TXNDC11: variants seen among roughly 807,000 people sequenced by gnomAD.
The protein encoded by TXNDC11 is thioredoxin domain containing 11.
A neutral mutation model predicts 78.0 loss-of-function variants in TXNDC11; 68 were observed. The observed-to-expected ratio is 0.87, with a 90% CI of 0.72 to 1.07. The LOEUF (loss-of-function observed/expected upper bound fraction) is 1.07, where lower values mean the gene tolerates loss of function less well. TXNDC11 is among the 50% of genes least tolerant of loss of function. The pLI is 0.00. For missense variants in TXNDC11, 1,389 were observed against 1,221.8 expected (o/e 1.14, Z -2.04); for synonymous variants, 571 against 495.2 (o/e 1.15, Z -2.03).
rs991982464 is a variant in TXNDC11 at position 11,693,972 on chromosome 16, A to G, written c.1108-1890T>C. On this transcript the variant is annotated intron_variant, in intron 7 of 11. Transcript: ENST00000283033. ...AAGTCCAAGTAGGAGATCATTAATTATATTATAGAGAAGAAAATTCCTTGA... is the reference window on the plus strand; with the variant it reads ...AAGTCCAAGTAGGAGATCATTAATTGTATTATAGAGAAGAAAATTCCTTGA... 2.6e-5 allele frequency among the ~76,000 whole-genome samples: 4 copies of G among 152,246 alleles called. No homozygotes were observed. The East Asian group carries it at 5.8e-4, about 22-fold the overall frequency.
rs193292051 is a variant in TXNDC11, at chr16:11,694,952, A to G, written c.1108-2870T>C. On this transcript the variant is annotated intron_variant, in intron 7 of 11. Transcript: ENST00000283033. The stretch of plus-strand genomic sequence containing the variant: ...GTTCGCACAGTAGATGTTTCCTTCT[A>G]TTTTCTTTAATCAGGGAAATCTGTG... 7.7e-4 allele frequency among the ~76,000 whole-genome samples: 117 copies of G among 152,282 alleles called. 2 individuals carry two copies. The South Asian group carries it at 8.3e-3, about 11-fold the overall frequency.
intron 8 of TXNDC11, among the ~76,000 whole-genome samples, chr16:11,690,477 G>C (rs947740039): frequency 6.6e-6 from 1 of 152,184 alleles, no homozygotes; most frequent in African/African-American, 2.4e-5. Flanking sequence ...GAACAAATTA[G>C]GTCTGGTGGC....
At chr16:11,692,943 G>C (rs947668680) in intron 7 of TXNDC11, among the ~76,000 whole-genome samples, 3 of 152,108 alleles carry the variant, frequency 2.0e-5, no homozygotes, top group Admixed American at 6.6e-5. Context: ...CCCAGCACCA[G>C]GGCAGCTGCT....
At chr16:11,687,819 G>T in intron 10 of TXNDC11, 38 bp downstream of exon 10, 1 of 1,368,218 alleles carries the variant, frequency 7.3e-7, no homozygotes, top group Non-Finnish European at 1.0e-6. Flanking sequence ...GTGAAAATGG[G>T]CATACAGCCC....
chr16:11,694,033 C>T (rs1428984905), intron 7 of TXNDC11, among the ~76,000 whole-genome samples: 2 of 148,252 alleles, frequency 1.3e-5, no homozygotes, highest in African/African-American at 5.0e-5. Context: ...TTCAGTATCT[C>T]ATAAACAAAG....
chr16:11,696,289 C>T (rs572021580), intron 7 of TXNDC11, among the ~76,000 whole-genome samples: 5 of 152,302 alleles, frequency 3.3e-5, no homozygotes, highest in African/African-American at 9.6e-5. Context: ...AAGTCCGTCT[C>T]GAATACTTCA....
rs772698622 is a variant in TXNDC11 at position 11,736,221 on chromosome 16, A to G, written c.267T>C (p.Asp89=). ...CAGGTGGCTTTGCTGGTATTATCAC[A>G]TCTTTTGCTCGACTAAAAAAGAGCA... ...ALKFTCSRAK[D]VIIPAKPPVS... Residue 89 remains aspartate, a synonymous_variant, in exon 2 of 12, where the codon GAT becomes GAC. Coordinates refer to ENST00000283033, the MANE Select transcript of TXNDC11 (RefSeq NM_015914.7). 1.9e-6 allele frequency: 3 copies of G among 1,609,878 alleles called. No individual in the cohort carries two copies. The Admixed American group carries it at 5.1e-5, about 27-fold the overall frequency.
chr16:11,705,196 C>T (rs1214930191), intron 5 of TXNDC11, among the ~76,000 whole-genome samples: 1 of 152,202 alleles, frequency 6.6e-6, no homozygotes, highest in Admixed American at 6.5e-5. Flanking sequence ...CCACACCCAA[C>T]TCTAACATTG....
intron 5 of TXNDC11, among the ~76,000 whole-genome samples, chr16:11,717,434 G>GAAAAAAAAAA (rs58884197): frequency 9.6e-5 from 6 of 62,300 alleles, no homozygotes; most frequent in Non-Finnish European, 1.7e-4. Context: ...GACTCCAAAT[G>GAAAAAAAAAA]AAAAAAAAAA....
chr16:11,723,589 C>CA (rs1293739519), intron 4 of TXNDC11, among the ~76,000 whole-genome samples: 1 of 150,860 alleles, frequency 6.6e-6, no homozygotes, highest in African/African-American at 2.4e-5. Context: ...CATCTTAAAA[C>CA]AAAAAACAAA....
At chr16:11,702,740 C>A (rs183162538) in intron 5 of TXNDC11, among the ~76,000 whole-genome samples, 171 of 152,216 alleles carry the variant, frequency 1.1e-3, no homozygotes, top group African/African-American at 4.0e-3. Flanking sequence ...CCAAATTATA[C>A]ACAAGTAGCT....
intron 5 of TXNDC11, among the ~76,000 whole-genome samples, chr16:11,703,505 T>C (rs991776060): frequency 8.1e-6 from 1 of 123,702 alleles, no homozygotes; most frequent in African/African-American, 3.4e-5. Context: ...CTTAAGGCTT[T>C]TGATACACAC....
intron 11 of TXNDC11, among the ~76,000 whole-genome samples, chr16:11,681,884 T>C (rs1443110352): frequency 6.6e-6 from 1 of 152,200 alleles, no homozygotes; most frequent in African/African-American, 2.4e-5. Flanking sequence ...TTCATGATTT[T>C]TATAAATCAA....
intron 11 of TXNDC11, among the ~76,000 whole-genome samples, chr16:11,683,953 G>A (rs2050499379): frequency 6.6e-6 from 1 of 152,048 alleles, no homozygotes; most frequent in East Asian, 1.9e-4. Flanking sequence ...GTTTCACCAT[G>A]TCGGCCAGGC....
intron 2 of TXNDC11, among the ~76,000 whole-genome samples, chr16:11,735,298 G>C (rs1007198749): frequency 5.3e-5 from 8 of 152,046 alleles, no homozygotes; most frequent in African/African-American, 1.9e-4. Context: ...CTACATAAAG[G>C]TATATGGACC....
In TXNDC11 at chr16:11,742,757, A is replaced by ACCGCCG. The variant is rs746033646; in HGVS notation, c.-33_-28dup. On this transcript the variant is annotated 5_prime_UTR_variant, in exon 1 of 12. Coordinates refer to ENST00000283033, the MANE Select transcript of TXNDC11 (RefSeq NM_015914.7). ...ACATGCTCCCAGTCGCCGGCTTTATACCGCCGCCGCCGCCTCGGGCCCGAA... is the reference window on the plus strand; with the variant it reads ...ACATGCTCCCAGTCGCCGGCTTTATACCGCCGCCGCCGCCGCCGCCTCGGGCCCGAA... The ACCGCCG allele has an allele frequency of 2.0e-5, 29 of 1,434,242 alleles. No individual in the cohort carries two copies. The highest frequency in any genetic ancestry group is 2.5e-5 in the Non-Finnish European group (28 of 1,102,726). The allele number at this position is 1,434,242 out of a possible 1,614,324, so 88.8% of individuals were successfully genotyped here.
At chr16:11,723,495 G>A (rs754362216) in intron 4 of TXNDC11, among the ~76,000 whole-genome samples, 1 of 152,056 alleles carries the variant, frequency 6.6e-6, no homozygotes, top group Non-Finnish European at 1.5e-5. Flanking sequence ...TGAGGCACAA[G>A]AATTGCTTGA....
chr16:11,679,806 C>T lies in TXNDC11; in HGVS notation c.2266G>A (p.Val756Ile), dbSNP rs3190321. 4 of 1,612,736 alleles carry T rather than the reference C, an allele frequency of 2.5e-6. No homozygotes were observed. Among genetic ancestry groups the T allele is most frequent in the Middle Eastern group, 1.7e-4 (1 of 6,014 alleles). Residue 756 changes from valine (V) to isoleucine (I), a missense_variant, in exon 12 of 12, where the codon GTC becomes ATC. Coordinates refer to ENST00000283033, the MANE Select transcript of TXNDC11 (RefSeq NM_015914.7). The surrounding 1 kb of genome is among the most constrained non-coding windows in gnomAD (Gnocchi z 4.6). ...KDLSVKYPEDVPITLPNLLRF... is the reference protein window; with the variant it reads ...KDLSVKYPEDIPITLPNLLRF... ...AACAGGTTTGGAAGGGTGATGGGGA[C>T]GTCTTCGGGGTATTTCACACTTAGG...
intron 5 of TXNDC11, among the ~76,000 whole-genome samples, chr16:11,701,971 A>G (rs1340659791): frequency 1.3e-5 from 2 of 152,030 alleles, no homozygotes; most frequent in African/African-American, 4.8e-5. Flanking sequence ...ACAATGAGGC[A>G]GGACTATACA....
Sources: allele counts gnomAD v4.1 joint callset (sites outside exome capture counted in the v4.1 genomes callset), GRCh38; gene constraint gnomAD v4.1.1; non-coding constraint Gnocchi (gnomAD v3.1); transcripts MANE v1.5; gene names NCBI Gene and HGNC (gene_info 2026-07-23, HGNC 2026-07-21).